COL23A1: variants seen among roughly 807,000 people sequenced by gnomAD.
The protein encoded by COL23A1 is collagen alpha-1(XXIII) chain.
COL23A1 carries 97 observed loss-of-function variants against 99.3 expected under a neutral mutation model. That is an observed-to-expected ratio of 0.98 (90% confidence interval 0.83 to 1.16). COL23A1 has a LOEUF of 1.16. COL23A1 is among the 50% of genes most tolerant of loss of function. The probability of loss-of-function intolerance (pLI) is 0.00; values close to 1 mark genes in which losing one functional copy is unlikely to be tolerated. For missense variants in COL23A1, 762 were observed against 757.4 expected (o/e 1.01, Z -0.07); for synonymous variants, 320 against 308.2 (o/e 1.04, Z -0.40).
At chr5:178,574,034 T>C (rs940281274) in intron 1 of COL23A1, among the ~76,000 whole-genome samples, 3 of 152,112 alleles carry the variant, frequency 2.0e-5, no homozygotes, top group African/African-American at 7.2e-5. Context: ...AATTTTTGTA[T>C]TTTTAGTAGA....
intron 19 of COL23A1, 89 bp from the exon 20 acceptor site, chr5:178,248,343 T>C (rs1764827967): frequency 2.0e-5 from 20 of 985,260 alleles, no homozygotes; most frequent in East Asian, 5.2e-5. Context: ...CCTTCCCCCA[T>C]GTGGCTCCTG....
At chr5:178,241,214 C>CT (rs1351995235) in intron 27 of COL23A1, among the ~76,000 whole-genome samples, 1 of 152,068 alleles carries the variant, frequency 6.6e-6, no homozygotes, top group South Asian at 2.1e-4. Flanking sequence ...GAGTGAGACT[C>CT]TGTCTCCGAA....
rs144353599 is a variant in COL23A1 at position 178,298,065 on chromosome 5, C to T, written c.407-7696G>A. On this transcript the variant is annotated intron_variant, in intron 3 of 28. Coordinates refer to ENST00000390654, the MANE Select transcript of COL23A1 (RefSeq NM_173465.4). ...GGTGTCCCGAGGTCCAGCCCTTCTG[C>T]GCACGGCCTTCAAACATGTGTTCCA... is the stretch of plus-strand genomic sequence containing the variant. Among the ~76,000 whole-genome samples, 1,138 of 152,296 alleles carry T rather than the reference C, an allele frequency of 7.5e-3. 16 individuals carry two copies. Among genetic ancestry groups the T allele is most frequent in the African/African-American group, 0.026 (1,089 of 41,552 alleles).
chr5:178,268,602 A>G, intron 7 of COL23A1, 128 bp downstream of exon 7: 1 of 817,726 alleles, frequency 1.2e-6, no homozygotes, highest in East Asian at 2.9e-5. Context: ...CACTCTACAG[A>G]TGGGGAAACT....
intron 2 of COL23A1, among the ~76,000 whole-genome samples, chr5:178,446,466 T>C (rs994975448): frequency 1.3e-5 from 2 of 152,140 alleles, no homozygotes; most frequent in East Asian, 1.9e-4. Context: ...CAAGATTATA[T>C]AGTTGATTTT....
At chr5:178,584,899 A>T (rs1357135166) in intron 1 of COL23A1, among the ~76,000 whole-genome samples, 4 of 152,090 alleles carry the variant, frequency 2.6e-5, no homozygotes, top group Non-Finnish European at 5.9e-5. Flanking sequence ...GGGAAGTGCT[A>T]CCATTCTTTG....
intron 6 of COL23A1, among the ~76,000 whole-genome samples, 189 bp from the exon 7 acceptor site, chr5:178,268,945 T>C (rs2127561253): frequency 6.6e-6 from 1 of 152,132 alleles, no homozygotes; most frequent in East Asian, 1.9e-4. Context: ...CACATCTCAG[T>C]CCTCAGCATG....
At chr5:178,447,481 T>G (rs982054167) in intron 2 of COL23A1, among the ~76,000 whole-genome samples, 1 of 152,250 alleles carries the variant, frequency 6.6e-6, no homozygotes, top group African/African-American at 2.4e-5. Flanking sequence ...CTGCACTTTT[T>G]CTATGTTTAG....
intron 27 of COL23A1, 130 bp downstream of exon 27, chr5:178,241,908 CAGTG>C: frequency 3.0e-6 from 2 of 666,150 alleles, no homozygotes; most frequent in South Asian, 3.7e-5. Context: ...GTGGCCCTGA[CAGTG>C]AGGAAGGCCA....
intron 2 of COL23A1, among the ~76,000 whole-genome samples, chr5:178,489,074 C>T (rs1757790448): frequency 6.6e-6 from 1 of 152,190 alleles, no homozygotes; most frequent in African/African-American, 2.4e-5. Context: ...TGGAGGGGTC[C>T]CTAGATGGCT....
At chr5:178,386,451 A>C (rs1008895803) in intron 2 of COL23A1, among the ~76,000 whole-genome samples, 6 of 149,178 alleles carry the variant, frequency 4.0e-5, no homozygotes, top group Non-Finnish European at 6.0e-5. Context: ...AAAAAAAAAA[A>C]CGCAATACAC....
chr5:178,260,666 C>T (rs12653097), intron 11 of COL23A1, among the ~76,000 whole-genome samples: 28,925 of 152,082 alleles, frequency 0.19, 2,975 homozygotes, highest in Middle Eastern at 0.28. Flanking sequence ...TGGTGGCGCA[C>T]GCCTGTAATC....
At chr5:178,400,565 T>C (rs937589491) in intron 2 of COL23A1, among the ~76,000 whole-genome samples, 2 of 152,152 alleles carry the variant, frequency 1.3e-5, no homozygotes, top group African/African-American at 4.8e-5. Flanking sequence ...AAAGTTACCA[T>C]TTTAACCATT....
At chr5:178,569,642 G>C (rs1261860410) in intron 1 of COL23A1, among the ~76,000 whole-genome samples, 1 of 152,186 alleles carries the variant, frequency 6.6e-6, no homozygotes, top group East Asian at 1.9e-4. Flanking sequence ...AACTGCAGTT[G>C]GTCTCTGCTC....
At chr5:178,275,813 C>T (rs925933590) in intron 5 of COL23A1, among the ~76,000 whole-genome samples, 10 of 152,214 alleles carry the variant, frequency 6.6e-5, no homozygotes, top group African/African-American at 1.7e-4. Context: ...CCACATCCTG[C>T]TGATTTCAGC....
At chr5:178,460,385 G>C (rs190197807) in intron 2 of COL23A1, among the ~76,000 whole-genome samples, 1 of 151,254 alleles carries the variant, frequency 6.6e-6, no homozygotes, top group Admixed American at 6.6e-5. Context: ...CAGCCGTCTA[G>C]CCACCGAGAC....
chr5:178,382,481 G>A (rs1342376615), intron 2 of COL23A1, among the ~76,000 whole-genome samples: 1 of 152,180 alleles, frequency 6.6e-6, no homozygotes, highest in Non-Finnish European at 1.5e-5. Flanking sequence ...CCAGGCTGGG[G>A]CAGGGGACAG....
chr5:178,242,777 C>CT (rs1251289228), intron 25 of COL23A1, among the ~76,000 whole-genome samples: 1 of 152,230 alleles, frequency 6.6e-6, no homozygotes, highest in African/African-American at 2.4e-5. Flanking sequence ...GATCTCTGTT[C>CT]TGTGCCCTTG....
chr5:178,523,880 A>G (rs1204633309), intron 2 of COL23A1, among the ~76,000 whole-genome samples: 1 of 152,176 alleles, frequency 6.6e-6, no homozygotes, highest in Non-Finnish European at 1.5e-5. Flanking sequence ...GGCAAGTTAC[A>G]CTACCTGGGC....
Sources: allele counts gnomAD v4.1 joint callset (sites outside exome capture counted in the v4.1 genomes callset), GRCh38; gene constraint gnomAD v4.1.1; transcripts MANE v1.5; gene names NCBI Gene and HGNC (gene_info 2026-07-23, HGNC 2026-07-21).